SLCO3A1: variants seen among roughly 807,000 people sequenced by gnomAD.
SLCO3A1 encodes solute carrier organic anion transporter family member 3A1, also known as PGE1 transporter.
In SLCO3A1, 27 loss-of-function variants were observed where a neutral mutation model predicts 63.1. The observed-to-expected ratio is 0.43, with a 90% CI of 0.32 to 0.59. The LOEUF is 0.59. Among genes scored for constraint, SLCO3A1 ranks in the 20% least tolerant of loss-of-function variants. The probability of loss-of-function intolerance (pLI) is 0.09; values close to 1 mark genes in which losing one functional copy is unlikely to be tolerated. For synonymous variants in SLCO3A1, 473 were observed against 409.9 expected (o/e 1.15, Z -1.86); for missense variants, 773 against 945.8 (o/e 0.82, Z 2.40).
At chr15:91,971,394 CA>C (rs796386299) in intron 2 of SLCO3A1, among the ~76,000 whole-genome samples, 2,656 of 39,368 alleles carry the variant, frequency 0.067, 477 homozygotes, top group African/African-American at 0.21. Context: ...GACTCCATCT[CA>C]AAAAAAAAAA....
At position 91,875,236 on chromosome 15, in the gene SLCO3A1, G is replaced by A. The variant is rs561837791; in HGVS notation, c.180+21148G>A. On this transcript the variant is annotated intron_variant, in intron 1 of 9. Transcript: ENST00000318445. The surrounding 1 kb of genome is among the most constrained non-coding windows in gnomAD (Gnocchi z 4.5). ...CATCTCATTTAGTCCTTTAGGGGCGGCAGTGTTGTCCCACATTGTAGCTCA... is the reference window on the plus strand; with the variant it reads ...CATCTCATTTAGTCCTTTAGGGGCGACAGTGTTGTCCCACATTGTAGCTCA... 2.0e-5 allele frequency among the ~76,000 whole-genome samples: 3 copies of A among 152,284 alleles called. No homozygotes were observed. The highest frequency in any genetic ancestry group is 1.3e-4 in the Admixed American group (2 of 15,306).
intron 3 of SLCO3A1, 80 bp from the exon 4 acceptor site, chr15:92,104,199 C>T: frequency 6.6e-7 from 1 of 1,511,626 alleles, no homozygotes; most frequent in Non-Finnish European, 9.0e-7. Context: ...CCTCTCTGTT[C>T]AGCGGATTCA....
In SLCO3A1 at chr15:91,860,696, A is replaced by G. The variant is rs1242712894; in HGVS notation, c.180+6608A>G. Among the ~76,000 whole-genome samples, 3 of 152,226 alleles carry G rather than the reference A, an allele frequency of 2.0e-5. No individual in the cohort carries two copies. Among genetic ancestry groups the G allele is most frequent in the African/African-American group, 7.2e-5 (3 of 41,466 alleles). Reference sequence around the variant, plus strand: ...ACAAAGGGACATATGTTGTGGACATATGCTGCCCTCCAGGCAGCCTTGTTT... The same window carrying G: ...ACAAAGGGACATATGTTGTGGACATGTGCTGCCCTCCAGGCAGCCTTGTTT... On this transcript the variant is annotated intron_variant, in intron 1 of 9. Coordinates refer to ENST00000318445, the MANE Select transcript of SLCO3A1 (RefSeq NM_013272.4). This position sits in a 1 kb window ranked among gnomAD's most constrained non-coding sequence, Gnocchi z 5.5.
In SLCO3A1 at chr15:92,094,353, A is replaced by C. The variant is rs559468493; in HGVS notation, c.647-528A>C. Reference sequence around the variant, plus strand: ...TGTAATTAAATGTTAGATATTTACCATCGTGTGAACTTTGTTATTTGCTGA... The same window carrying C: ...TGTAATTAAATGTTAGATATTTACCCTCGTGTGAACTTTGTTATTTGCTGA... On this transcript the variant is annotated intron_variant, in intron 2 of 9. Coordinates refer to ENST00000318445, the MANE Select transcript of SLCO3A1 (RefSeq NM_013272.4). 2.0e-5 allele frequency among the ~76,000 whole-genome samples: 3 copies of C among 152,326 alleles called. No homozygotes were observed. The South Asian group carries it at 6.2e-4, about 32-fold the overall frequency.
intron 5 of SLCO3A1, among the ~76,000 whole-genome samples, chr15:92,123,501 G>A (rs1451233876): frequency 6.6e-6 from 1 of 152,068 alleles, no homozygotes; most frequent in African/African-American, 2.4e-5. Flanking sequence ...GAACTGCCAG[G>A]GTACCACAAG....
At chr15:91,907,244 T>C (rs1898336496) in intron 1 of SLCO3A1, among the ~76,000 whole-genome samples, 1 of 152,124 alleles carries the variant, frequency 6.6e-6, no homozygotes, top group African/African-American at 2.4e-5. Context: ...TCTCACTCTG[T>C]TGCCCAGGCT....
chr15:91,870,134 G>A (rs913838067), intron 1 of SLCO3A1, among the ~76,000 whole-genome samples: 4 of 152,160 alleles, frequency 2.6e-5, no homozygotes, highest in African/African-American at 4.8e-5. Context: ...GTGGACGTTC[G>A]TCTAGTCTAT....
chr15:92,080,800 T>A (rs2047334399), intron 2 of SLCO3A1, among the ~76,000 whole-genome samples: 2 of 152,202 alleles, frequency 1.3e-5, no homozygotes, highest in South Asian at 2.1e-4. Context: ...CTGGCCACAT[T>A]TGGTGAATGG....
chr15:92,166,231 C>A (rs2048492821), downstream of SLCO3A1, among the ~76,000 whole-genome samples: 1 of 152,176 alleles, frequency 6.6e-6, no homozygotes, highest in South Asian at 2.1e-4. Flanking sequence ...AAGGCCACAG[C>A]ATGGCATGCG....
chr15:92,153,862 G>A (rs1030250321), intron 9 of SLCO3A1, among the ~76,000 whole-genome samples: 1 of 152,300 alleles, frequency 6.6e-6, no homozygotes, highest in Middle Eastern at 3.4e-3. Context: ...TGGGGGGAAA[G>A]GGGGGACAGA....
At chr15:92,012,753 A>T (rs1407848808) in intron 2 of SLCO3A1, among the ~76,000 whole-genome samples, 1 of 151,874 alleles carries the variant, frequency 6.6e-6, no homozygotes, top group East Asian at 1.9e-4. Flanking sequence ...AAAAAAAAAA[A>T]AAAAAAAAAA....
intron 2 of SLCO3A1, among the ~76,000 whole-genome samples, chr15:92,070,129 A>G (rs1346709330): frequency 6.6e-6 from 1 of 152,306 alleles, no homozygotes; most frequent in East Asian, 1.9e-4. Flanking sequence ...TGAAATATCC[A>G]GGGCCTTAAG....
At chr15:91,934,346 A>C (rs1899334194) in intron 2 of SLCO3A1, among the ~76,000 whole-genome samples, 1 of 152,210 alleles carries the variant, frequency 6.6e-6, no homozygotes, top group South Asian at 2.1e-4. Flanking sequence ...ATGGCTAGGC[A>C]GTGAATGGTC....
intron 4 of SLCO3A1, among the ~76,000 whole-genome samples, chr15:92,116,609 G>T (rs550663834): frequency 6.6e-6 from 1 of 152,224 alleles, no homozygotes; most frequent in Non-Finnish European, 1.5e-5. Flanking sequence ...TGCCTGGGCC[G>T]CCCCATTAGC....
At chr15:92,060,386 C>G (rs963758650) in intron 2 of SLCO3A1, among the ~76,000 whole-genome samples, 3 of 152,036 alleles carry the variant, frequency 2.0e-5, no homozygotes, top group African/African-American at 7.2e-5. Context: ...ATCGCGAAAC[C>G]CTGTCTCTAC....
Position 91,900,357 on chromosome 15 carries a change from T to A in SLCO3A1, c.181-15636T>A, listed in dbSNP as rs1898120892. The stretch of plus-strand genomic sequence containing the variant: ...TTTGTTTTTGTTTTTTGAGATGGAG[T>A]CTTGCTCTGTCACACAGGCTGGAGT... On this transcript the variant is annotated intron_variant, in intron 1 of 9. Coordinates refer to ENST00000318445, the MANE Select transcript of SLCO3A1 (RefSeq NM_013272.4). This position sits in a 1 kb window ranked among gnomAD's most constrained non-coding sequence, Gnocchi z 4.3. Among the ~76,000 whole-genome samples, 6 of 152,248 alleles carry A rather than the reference T, an allele frequency of 3.9e-5. No homozygotes were observed. In the South Asian group the frequency reaches 1.2e-3, roughly 32 times the overall value.
Position 92,162,838 on chromosome 15 carries a change from C to G in SLCO3A1, c.1836C>G (p.Gly612=). 1.2e-6 allele frequency: 2 copies of G among 1,614,182 alleles called. No individual in the cohort carries two copies. The highest frequency in any genetic ancestry group is 1.7e-6 in the Non-Finnish European group (2 of 1,180,018). The change falls in exon 10 of 10, where the codon GGC becomes GGG. Residue 612 remains glycine (G), a synonymous_variant. Transcript: ENST00000318445. ...LFWSTFCGEQ[G]ACVLYDNVVY... is the part of the protein sequence containing the mutation. Reference sequence around the variant, plus strand: ...GGAGCACGTTCTGTGGGGAGCAAGGCGCCTGCGTCCTCTACGACAATGTGG... The same window carrying G: ...GGAGCACGTTCTGTGGGGAGCAAGGGGCCTGCGTCCTCTACGACAATGTGG...
intron 4 of SLCO3A1, among the ~76,000 whole-genome samples, chr15:92,120,048 T>C (rs1046214255): frequency 6.6e-6 from 1 of 152,070 alleles, no homozygotes; most frequent in Non-Finnish European, 1.5e-5. Context: ...TACTTAAATA[T>C]ATTGATATTT....
chr15:91,901,979 C>G (rs1444817150), intron 1 of SLCO3A1, among the ~76,000 whole-genome samples: 1 of 151,124 alleles, frequency 6.6e-6, no homozygotes, highest in Non-Finnish European at 1.5e-5. Flanking sequence ...CGGTGGTGTC[C>G]TAAAGGTCTC....
Sources: allele counts gnomAD v4.1 joint callset (sites outside exome capture counted in the v4.1 genomes callset), GRCh38; gene constraint gnomAD v4.1.1; non-coding constraint Gnocchi (gnomAD v3.1); transcripts MANE v1.5; gene names NCBI Gene and HGNC (gene_info 2026-07-23, HGNC 2026-07-21).